ZFYVE28: variants seen among roughly 807,000 people sequenced by gnomAD.
The protein encoded by ZFYVE28 is zinc finger FYVE-type containing 28.
A neutral mutation model predicts 82.1 loss-of-function variants in ZFYVE28; 40 were observed. The ratio of observed to expected loss-of-function variants is 0.49; its 90% confidence interval spans 0.38 to 0.63. The LOEUF is 0.63. Ranked by LOEUF, ZFYVE28 falls within the 30% of genes least tolerant of loss-of-function variation. The pLI is 0.00. For synonymous variants in ZFYVE28, 612 were observed against 546.1 expected (o/e 1.12, Z -1.68); for missense variants, 1,321 against 1,242.1 (o/e 1.06, Z -0.96).
intron 1 of ZFYVE28, among the ~76,000 whole-genome samples, chr4:2,410,454 C>CTTTTTTT (rs11358765): frequency 8.4e-6 from 1 of 119,338 alleles, no homozygotes; most frequent in Non-Finnish European, 1.7e-5. Context: ...TCCTCCCTTT[C>CTTTTTTT]TTTTTTTTTT....
chr4:2,412,274 G>A (rs1732603761), intron 1 of ZFYVE28, among the ~76,000 whole-genome samples: 1 of 152,146 alleles, frequency 6.6e-6, no homozygotes, highest in Admixed American at 6.5e-5. Context: ...GAGACTCCAA[G>A]AAACACTGAC....
At chr4:2,280,848 C>T (rs1248929502) in intron 8 of ZFYVE28, among the ~76,000 whole-genome samples, 1 of 152,190 alleles carries the variant, frequency 6.6e-6, no homozygotes, top group East Asian at 1.9e-4. Context: ...CACCCTGAAG[C>T]TGGGAAGGCT....
Position 2,353,944 on chromosome 4 carries a change from G to T in ZFYVE28, c.169C>A (p.Arg57Ser). Reference protein sequence around the residue: ...QRCTLLVSQFRSCQDNVLNII... With the variant: ...QRCTLLVSQFSSCQDNVLNII... ...GCCCCGTGGCTCACCTGACAGGAGC[G>T]GAACTGGCTGACCAGCAGCGTGCAC... Residue 57 changes from arginine (R) to serine (S), a missense_variant, in exon 2 of 13, where the codon CGC (arginine) becomes AGC (serine). Physicochemically the swap from Arg to Ser is moderately radical, Grantham distance 110. Transcript: ENST00000290974. 6.5e-7 allele frequency: 1 copy of T among 1,544,598 alleles called. No homozygotes were observed.
chr4:2,341,045 G>A lies in ZFYVE28; in HGVS notation c.318+433C>T, dbSNP rs1479436233. Reference sequence around the variant, plus strand: ...CTCTCGGTGCCTCAGTTTCCTGATTGGGAGATGAAGATGAAGATGACAGGC... The same window carrying A: ...CTCTCGGTGCCTCAGTTTCCTGATTAGGAGATGAAGATGAAGATGACAGGC... On this transcript the variant is annotated intron_variant, in intron 3 of 12. Coordinates refer to ENST00000290974, the MANE Select transcript of ZFYVE28 (RefSeq NM_020972.3). This position sits in a 1 kb window ranked among gnomAD's most constrained non-coding sequence, Gnocchi z 4.5. Among the ~76,000 whole-genome samples the A allele has an allele frequency of 6.6e-6, 1 of 152,098 alleles. No individual in the cohort carries two copies. Among genetic ancestry groups the A allele is most frequent in the African/African-American group, 2.4e-5 (1 of 41,394 alleles).
intron 1 of ZFYVE28, among the ~76,000 whole-genome samples, chr4:2,414,282 T>G (rs1732811894): frequency 6.6e-6 from 1 of 152,180 alleles, no homozygotes; most frequent in Admixed American, 6.5e-5. Flanking sequence ...CCACAAAACA[T>G]GCCAGTGGGG....
chr4:2,306,039 C>T (rs893052092), intron 7 of ZFYVE28, among the ~76,000 whole-genome samples: 5 of 152,244 alleles, frequency 3.3e-5, no homozygotes, highest in African/African-American at 1.2e-4. Flanking sequence ...GATAAACAAG[C>T]ATTTATACAA....
At chr4:2,410,657 G>A (rs950614119) in intron 1 of ZFYVE28, among the ~76,000 whole-genome samples, 6 of 151,770 alleles carry the variant, frequency 4.0e-5, no homozygotes, top group Non-Finnish European at 8.8e-5. Context: ...CACCACACCC[G>A]GCTAATTTTC....
intron 1 of ZFYVE28, among the ~76,000 whole-genome samples, chr4:2,375,892 A>G (rs1339004457): frequency 7.2e-6 from 1 of 139,280 alleles, no homozygotes; most frequent in African/African-American, 2.7e-5. Flanking sequence ...TTTTTTTTTG[A>G]GATGGAGTTT....
At chr4:2,299,052 G>A (rs972818684) in intron 8 of ZFYVE28, among the ~76,000 whole-genome samples, 1 of 152,186 alleles carries the variant, frequency 6.6e-6, no homozygotes, top group Non-Finnish European at 1.5e-5. Context: ...AATTACACAA[G>A]ATAAAATTGA....
Position 2,372,389 on chromosome 4 carries a change from ATCC to A in ZFYVE28, c.40-18319_40-18317del, listed in dbSNP as rs1481207711. On this transcript the variant is annotated intron_variant, in intron 1 of 12. Coordinates refer to ENST00000290974, the MANE Select transcript of ZFYVE28 (RefSeq NM_020972.3). This position sits in a 1 kb window ranked among gnomAD's most constrained non-coding sequence, Gnocchi z 5.2. ...GCCTCCTGCCACCACCGCTCCCGCC[ATCC>A]TCCTTCTAGTCCTCAGCATGCCCAG... Among the ~76,000 whole-genome samples the A allele has an allele frequency of 6.6e-6, 1 of 151,930 alleles. No homozygotes were observed. The highest frequency in any genetic ancestry group is 1.5e-5 in the Non-Finnish European group (1 of 67,950).
chr4:2,288,309 C>T (rs1713069695), intron 8 of ZFYVE28, among the ~76,000 whole-genome samples: 1 of 152,220 alleles, frequency 6.6e-6, no homozygotes, highest in Non-Finnish European at 1.5e-5. Context: ...CCAGGAAAAC[C>T]AACAGGTGAC....
In ZFYVE28 at chr4:2,418,356, C is replaced by T. The variant is rs1201581690; in HGVS notation, c.-33G>A. On this transcript the variant is annotated 5_prime_UTR_variant, in exon 1 of 13. Coordinates refer to ENST00000290974, the MANE Select transcript of ZFYVE28 (RefSeq NM_020972.3). This position sits in a 1 kb window ranked among gnomAD's most constrained non-coding sequence, Gnocchi z 4.6. ...CCGGCCCTGGCCGGACTCCGGGCGG[C>T]CCTCGCCCTCCGCAGCGCTGCGCCC... 11 of 1,461,346 alleles carry T rather than the reference C, an allele frequency of 7.5e-6. No homozygotes were observed. The highest frequency in any genetic ancestry group is 1.0e-5 in the Non-Finnish European group (11 of 1,100,176). 90.5% of individuals were successfully genotyped at this position (1,461,346 alleles called of 1,614,324 possible). A position where few individuals can be genotyped will look rare whatever the true frequency, so the allele number is the denominator to read the frequency against.
At chr4:2,348,647 C>CTT (rs769634519) in intron 2 of ZFYVE28, among the ~76,000 whole-genome samples, 8 of 152,170 alleles carry the variant, frequency 5.3e-5, no homozygotes, top group Admixed American at 4.6e-4. Context: ...TCAATGTATG[C>CTT]TTATGCTCTT....
At chr4:2,384,917 G>T (rs997219650) in intron 1 of ZFYVE28, among the ~76,000 whole-genome samples, 3 of 152,140 alleles carry the variant, frequency 2.0e-5, no homozygotes, top group African/African-American at 7.2e-5. Context: ...CTAGACTTGG[G>T]GGGAGGGGAG....
In ZFYVE28 at chr4:2,339,512, T is replaced by C. The variant is rs1722403223; in HGVS notation, c.462A>G (p.Thr154=). The C allele has an allele frequency of 6.2e-7, 1 of 1,613,928 alleles. No individual in the cohort carries two copies. Among genetic ancestry groups the C allele is most frequent in the Non-Finnish European group, 8.5e-7 (1 of 1,179,974 alleles). The change falls in exon 4 of 13, where the codon ACA becomes ACG. Residue 154 remains threonine, a synonymous_variant. Transcript: ENST00000290974. This position sits in a 1 kb window ranked among gnomAD's most constrained non-coding sequence, Gnocchi z 5.0. ...DQALRDLNTY[T]EKMREALRHF... Reference sequence around the variant, plus strand: ...GCCTCAGCGCTTCCCTCATCTTCTCTGTGTAGGTGTTCAGGTCCCGCAGCG... The same window carrying C: ...GCCTCAGCGCTTCCCTCATCTTCTCCGTGTAGGTGTTCAGGTCCCGCAGCG...
chr4:2,364,023 A>G (rs1391454790), intron 1 of ZFYVE28, among the ~76,000 whole-genome samples: 3 of 152,096 alleles, frequency 2.0e-5, no homozygotes, highest in Non-Finnish European at 4.4e-5. Context: ...TAAGGGTGAA[A>G]ACAGCACAAA....
At chr4:2,364,385 C>T (rs979004685) in intron 1 of ZFYVE28, 50 of 957,150 alleles carry the variant, frequency 5.2e-5, no homozygotes, top group South Asian at 1.5e-4. Context: ...ACGCCCTGCC[C>T]GCCCCAAGGG....
intron 1 of ZFYVE28, among the ~76,000 whole-genome samples, chr4:2,376,374 A>G (rs1411649942): frequency 1.1e-4 from 2 of 17,924 alleles, no homozygotes; most frequent in South Asian, 3.4e-3. Flanking sequence ...CTATCTCTAA[A>G]AAAAAAAAAA....
Position 2,353,916 on chromosome 4 carries a change from G to C in ZFYVE28, c.180+17C>G, listed in dbSNP as rs1724845006. ...TGCCCAGCGGGGCCAGCCAGCTTCT[G>C]CTGCCCCGTGGCTCACCTGACAGGA... On this transcript the variant is annotated intron_variant, in intron 2 of 12. Coordinates refer to ENST00000290974, the MANE Select transcript of ZFYVE28 (RefSeq NM_020972.3). 4.0e-6 allele frequency: 6 copies of C among 1,492,052 alleles called. No homozygotes were observed. Among genetic ancestry groups the C allele is most frequent in the Non-Finnish European group, 4.5e-6 (5 of 1,115,658 alleles). The allele number at this position is 1,492,052 out of a possible 1,614,324, so 92.4% of individuals were successfully genotyped here. A position where few individuals can be genotyped will look rare whatever the true frequency, so the allele number is the denominator to read the frequency against.
Sources: gnomAD v4.1 joint callset for allele counts (sites outside exome capture counted in the v4.1 genomes callset) on GRCh38, gnomAD v4.1.1 for gene constraint, Gnocchi (gnomAD v3.1) non-coding constraint, MANE v1.5 for transcripts, NCBI Gene and HGNC (gene_info 2026-07-23, HGNC 2026-07-21) for gene names.